The following ABI1 variants were observed in gnomAD, a reference collection of about 807,000 sequenced individuals.
ABI1 encodes the protein abl interactor 1.
A neutral mutation model predicts 54.6 loss-of-function variants in ABI1; 14 were observed. The ratio of observed to expected loss-of-function variants is 0.26; its 90% confidence interval spans 0.17 to 0.40. The LOEUF (loss-of-function observed/expected upper bound fraction) is 0.40, where lower values mean the gene tolerates loss of function less well. ABI1 is among the 10% of genes least tolerant of loss of function. ABI1 has a pLI of 1.00. For missense variants in ABI1, 443 were observed against 598.3 expected (o/e 0.74, Z 2.71); for synonymous variants, 194 against 209.3 (o/e 0.93, Z 0.63).
At chr10:26,755,355 T>A (rs541413700) in intron 9 of ABI1, among the ~76,000 whole-genome samples, 7 of 152,334 alleles carry the variant, frequency 4.6e-5, no homozygotes, top group African/African-American at 1.7e-4. Context: ...AGTTTCCATA[T>A]AATTTGAATT....
In ABI1 at chr10:26,746,736, TA is replaced by T. The variant is rs1836963594; in HGVS notation, c.*1833del. On this transcript the variant is annotated 3_prime_UTR_variant, in exon 11 of 11. Transcript: ENST00000376140. ...CTTGATGGTTATATGTGGTATTGTT[TA>T]CACTGTTAATATCCACATGTAAGGC... 1 of 474,580 alleles carries T rather than the reference TA, an allele frequency of 2.1e-6. No homozygotes were observed. Among genetic ancestry groups the T allele is most frequent in the Non-Finnish European group, 3.9e-6 (1 of 258,526 alleles). 29.4% of individuals were successfully genotyped at this position (474,580 alleles called of 1,614,324 possible).
chr10:26,759,399 CTT>C (rs1402803005), intron 7 of ABI1, among the ~76,000 whole-genome samples, 161 bp from the exon 8 acceptor site: 1 of 151,886 alleles, frequency 6.6e-6, no homozygotes, highest in Non-Finnish European at 1.5e-5. Context: ...AAATCAGTAA[CTT>C]TATCTCCAAA....
intron 2 of ABI1, among the ~76,000 whole-genome samples, chr10:26,791,423 TC>T (rs1390680437): frequency 1.9e-4 from 29 of 152,240 alleles, no homozygotes; most frequent in African/African-American, 7.0e-4. Context: ...CACCCGATTG[TC>T]CCCCTTCTAT....
At chr10:26,771,127 A>G (rs751426905) in intron 3 of ABI1, 38 bp from the exon 4 acceptor site, 4 of 1,610,908 alleles carry the variant, frequency 2.5e-6, no homozygotes, top group East Asian at 4.5e-5. Flanking sequence ...AAAAGTAGAC[A>G]TTAATGCTAG....
rs1168808350 is a variant in ABI1, at chr10:26,748,516, T to C, written c.*54A>G. Reference sequence around the variant, plus strand: ...ATTAAGACAGTTCTGTTAACCATAATAGTCCCACAGTATGACTGAGTAATA... The same window carrying C: ...ATTAAGACAGTTCTGTTAACCATAACAGTCCCACAGTATGACTGAGTAATA... On this transcript the variant is annotated 3_prime_UTR_variant, in exon 11 of 11. Transcript: ENST00000376140. The C allele has an allele frequency of 1.4e-5, 19 of 1,340,052 alleles. No homozygotes were observed. The highest frequency in any genetic ancestry group is 1.0e-6 in the Non-Finnish European group (1 of 976,262). 83.0% of individuals were successfully genotyped at this position (1,340,052 alleles called of 1,614,324 possible).
chr10:26,792,445 C>T (rs1476717872), intron 2 of ABI1, among the ~76,000 whole-genome samples: 1 of 151,956 alleles, frequency 6.6e-6, no homozygotes, highest in East Asian at 1.9e-4. Flanking sequence ...GCACAGGGGA[C>T]AGCATAAGCC....
chr10:26,836,046 C>T (rs965445579), intron 1 of ABI1, among the ~76,000 whole-genome samples: 2 of 151,980 alleles, frequency 1.3e-5, no homozygotes, highest in African/African-American at 4.8e-5. Context: ...AGCCACTGTG[C>T]CCAGCCTATT....
intron 2 of ABI1, among the ~76,000 whole-genome samples, chr10:26,785,691 C>T (rs1842654837): frequency 6.6e-6 from 1 of 151,674 alleles, no homozygotes; most frequent in Non-Finnish European, 1.5e-5. Flanking sequence ...AGCCACTGCA[C>T]TCTAGCCTGG....
chr10:26,773,622 A>G (rs1841022233), intron 3 of ABI1, among the ~76,000 whole-genome samples: 1 of 152,224 alleles, frequency 6.6e-6, no homozygotes, highest in South Asian at 2.1e-4. Flanking sequence ...TTTTAAAAAA[A>G]TTAATCAGAA....
At chr10:26,822,694 G>A (rs919910948) in intron 2 of ABI1, among the ~76,000 whole-genome samples, 23 of 152,136 alleles carry the variant, frequency 1.5e-4, no homozygotes, top group Non-Finnish European at 1.3e-4. Flanking sequence ...AAGGACAAGG[G>A]ACAAGAGGGA....
At chr10:26,811,974 G>C (rs995449109) in intron 2 of ABI1, among the ~76,000 whole-genome samples, 1 of 152,128 alleles carries the variant, frequency 6.6e-6, no homozygotes, top group Non-Finnish European at 1.5e-5. Context: ...TCAGGAGGGG[G>C]TGTTCACTTG....
At chr10:26,778,924 C>T (rs1841764556) in intron 2 of ABI1, among the ~76,000 whole-genome samples, 2 of 152,140 alleles carry the variant, frequency 1.3e-5, no homozygotes, top group Non-Finnish European at 2.9e-5. Flanking sequence ...CATCACCTGG[C>T]TCTTTGCAGT....
At chr10:26,797,078 G>C (rs537255645) in intron 2 of ABI1, among the ~76,000 whole-genome samples, 48 of 152,294 alleles carry the variant, frequency 3.2e-4, no homozygotes, top group African/African-American at 1.1e-3. Context: ...GGGGACCCCT[G>C]CCATAACGTC....
At chr10:26,798,106 CA>C (rs1178602643) in intron 2 of ABI1, among the ~76,000 whole-genome samples, 1 of 150,834 alleles carries the variant, frequency 6.6e-6, no homozygotes, top group Admixed American at 6.6e-5. Context: ...GACAAAAATT[CA>C]GAGCAGAAAA....
intron 1 of ABI1, among the ~76,000 whole-genome samples, chr10:26,833,729 TA>T (rs144247086): frequency 0.26 from 39,563 of 150,928 alleles, 5,942 homozygotes; most frequent in South Asian, 0.44. Flanking sequence ...CACGTACTAC[TA>T]AAAAAAATAC....
rs568060206 is a variant in ABI1 at position 26,802,389 on chromosome 10, T to G, written c.285+20749A>C. ...TAAAACAGCACTGTCCTATCTAAAG[T>G]GGGTAGAGTGCTTTAGAATTTCACC... On this transcript the variant is annotated intron_variant, in intron 2 of 10. Transcript: ENST00000376140. Among the ~76,000 whole-genome samples, 3 of 152,140 alleles carry G rather than the reference T, an allele frequency of 2.0e-5. No individual in the cohort carries two copies. The South Asian group carries it at 6.2e-4, about 32-fold the overall frequency.
chr10:26,819,609 G>A (rs1269053530), intron 2 of ABI1, among the ~76,000 whole-genome samples: 1 of 152,108 alleles, frequency 6.6e-6, no homozygotes, highest in Non-Finnish European at 1.5e-5. Context: ...CACCTGACCA[G>A]AGAAAAATAC....
At chr10:26,847,615 C>A (rs1443702850) in intron 1 of ABI1, among the ~76,000 whole-genome samples, 1 of 151,324 alleles carries the variant, frequency 6.6e-6, no homozygotes, top group Non-Finnish European at 1.5e-5. Context: ...CAGAGAGAGA[C>A]CCTGTCTTTA....
At chr10:26,820,207 A>T (rs549281622) in intron 2 of ABI1, among the ~76,000 whole-genome samples, 3 of 152,342 alleles carry the variant, frequency 2.0e-5, no homozygotes, top group East Asian at 3.9e-4. Flanking sequence ...CAAAAAAAGT[A>T]GCTGTGTGAG....
Sources: gnomAD v4.1 joint callset for allele counts (sites outside exome capture counted in the v4.1 genomes callset) on GRCh38, gnomAD v4.1.1 for gene constraint, MANE v1.5 for transcripts, NCBI Gene and HGNC (gene_info 2026-07-23, HGNC 2026-07-21) for gene names.